TMEM63A: variants seen among roughly 807,000 people sequenced by gnomAD.
TMEM63A encodes mechanosensitive cation channel TMEM63A.
TMEM63A carries 76 observed loss-of-function variants against 100.6 expected under a neutral mutation model. The observed-to-expected ratio is 0.76, with a 90% CI of 0.63 to 0.91. The LOEUF (loss-of-function observed/expected upper bound fraction) is 0.91. TMEM63A is among the 40% of genes least tolerant of loss of function. The probability of loss-of-function intolerance (pLI) is 0.00; values close to 1 mark genes in which losing one functional copy is unlikely to be tolerated. For synonymous variants in TMEM63A, 401 were observed against 401.1 expected (o/e 1.00, Z 0.00); for missense variants, 876 against 1,008.8 (o/e 0.87, Z 1.78).
chr1:225,874,779 C>A (rs1670693524), intron 3 of TMEM63A, among the ~76,000 whole-genome samples: 1 of 152,234 alleles, frequency 6.6e-6, no homozygotes, highest in East Asian at 1.9e-4. Context: ...CATCCTTCTT[C>A]ACTTTACAGA....
chr1:225,861,275 T>C, intron 13 of TMEM63A: 9 of 260,390 alleles, frequency 3.5e-5, no homozygotes, highest in Admixed American at 5.4e-5. Context: ...CATAGGGCCA[T>C]CCCCCTCCAC....
intron 8 of TMEM63A, among the ~76,000 whole-genome samples, 185 bp downstream of exon 8, chr1:225,866,927 A>C (rs1576100254): frequency 6.6e-6 from 1 of 151,876 alleles, no homozygotes. Context: ...GTTTCTTAAA[A>C]CCCTGGCAAA....
chr1:225,849,823 G>A (rs1335287784), intron 21 of TMEM63A, 89 bp downstream of exon 21: 1 of 1,493,984 alleles, frequency 6.7e-7, no homozygotes, highest in Non-Finnish European at 9.1e-7. Flanking sequence ...CCATGCTGAT[G>A]CTGTGAAAGC....
At position 225,866,276 on chromosome 1, in the gene TMEM63A, C is replaced by T. The variant is rs887250373; in HGVS notation, c.675+298G>A. ...ATCAGAGGAGGACCCAGGCCTGGAA[C>T]CAAGCCACAGAAGCTCCCCTCCCCT... On this transcript the variant is annotated intron_variant, in intron 9 of 24. Coordinates refer to ENST00000366835, the MANE Select transcript of TMEM63A (RefSeq NM_014698.3). 10 of 514,072 alleles carry T rather than the reference C, an allele frequency of 1.9e-5. No homozygotes were observed. The Admixed American group carries it at 2.3e-4, about 12-fold the overall frequency. The allele number at this position is 514,072 out of a possible 1,614,324, so 31.8% of individuals were successfully genotyped here.
downstream of TMEM63A, chr1:225,844,535 C>A (rs747589065): frequency 1.9e-6 from 3 of 1,614,174 alleles, no homozygotes; most frequent in Non-Finnish European, 1.7e-6. Flanking sequence ...CAACGTCATG[C>A]TCTACTGGAC....
chr1:225,850,589 G>C (rs1669275782), intron 20 of TMEM63A, among the ~76,000 whole-genome samples: 1 of 152,154 alleles, frequency 6.6e-6, no homozygotes, highest in South Asian at 2.1e-4. Flanking sequence ...GTGTTTACTC[G>C]AGACCTTTGT....
intron 18 of TMEM63A, among the ~76,000 whole-genome samples, chr1:225,854,967 A>T (rs1669543856): frequency 6.6e-6 from 1 of 152,222 alleles, no homozygotes; most frequent in African/African-American, 2.4e-5. Flanking sequence ...TCGCTGATAG[A>T]TCATAAGATG....
chr1:225,845,602 A>C lies in TMEM63A; in HGVS notation c.*1337T>G. On this transcript the variant is annotated 3_prime_UTR_variant, in exon 25 of 25. Transcript: ENST00000366835. ...AGTGACATGAGCGTGCGCTGACCCC[A>C]CATGGGGCCCCCTGTGCAAGCAGAG... is the stretch of plus-strand genomic sequence containing the variant. 1 of 549,378 alleles carries C rather than the reference A, an allele frequency of 1.8e-6. No individual in the cohort carries two copies. The highest frequency in any genetic ancestry group is 3.3e-6 in the Non-Finnish European group (1 of 305,480). 34.0% of individuals were successfully genotyped at this position (549,378 alleles called of 1,614,324 possible).
At position 225,853,097 on chromosome 1, in the gene TMEM63A, T is replaced by A. The variant is rs1669434782; in HGVS notation, c.1798-328A>T. ...TTCTAGCAGGGGATCCTGGGCCAGC[T>A]TAGTTCATGCCTCTGTGAAATCGGG... On this transcript the variant is annotated intron_variant, in intron 19 of 24. Transcript: ENST00000366835. This position sits in a 1 kb window ranked among gnomAD's most constrained non-coding sequence, Gnocchi z 4.0. Among the ~76,000 whole-genome samples, 1 of 152,196 alleles carries A rather than the reference T, an allele frequency of 6.6e-6. No homozygotes were observed. The highest frequency in any genetic ancestry group is 2.4e-5 in the African/African-American group (1 of 41,452).
intron 4 of TMEM63A, among the ~76,000 whole-genome samples, chr1:225,872,633 C>A (rs1428783838): frequency 6.6e-6 from 1 of 151,760 alleles, no homozygotes; most frequent in East Asian, 1.9e-4. Flanking sequence ...CATAAAAACA[C>A]CCCATGCGCT....
At chr1:225,840,962 G>T (rs145606194), downstream of TMEM63A, 29 of 152,306 alleles carry the variant, frequency 1.9e-4, no homozygotes, top group East Asian at 5.4e-3. Context: ...GCTTAAAAAT[G>T]CAAAAAGTAC....
chr1:225,845,020 TTTTC>T, downstream of TMEM63A: 1 of 1,077,582 alleles, frequency 9.3e-7, no homozygotes, highest in Non-Finnish European at 1.4e-6. Flanking sequence ...GGATTTGTCC[TTTTC>T]TTTATGGCTC....
Position 225,862,854 on chromosome 1 carries a change from G to A in TMEM63A, c.747-3C>T, listed in dbSNP as rs1371056718. ...CCTCACACGTGGGATACGCGTCCCT[G>A]TGGCCAGGGAGAGAAGGAGGCAAAA... On this transcript the variant is annotated splice_polypyrimidine_tract_variant and splice_region_variant and intron_variant, in intron 10 of 24. Coordinates refer to ENST00000366835, the MANE Select transcript of TMEM63A (RefSeq NM_014698.3). This position sits in a 1 kb window ranked among gnomAD's most constrained non-coding sequence, Gnocchi z 5.1. The A allele has an allele frequency of 6.2e-7, 1 of 1,613,594 alleles. No individual in the cohort carries two copies. The highest frequency in any genetic ancestry group is 8.5e-7 in the Non-Finnish European group (1 of 1,179,926).
chr1:225,873,989 T>C (rs527507086), intron 4 of TMEM63A, among the ~76,000 whole-genome samples: 11 of 152,226 alleles, frequency 7.2e-5, no homozygotes, highest in Non-Finnish European at 1.3e-4. Flanking sequence ...TTTTTGTTTT[T>C]TGTTTTGTGA....
chr1:225,856,791 C>T (rs1352103674), intron 16 of TMEM63A, 53 bp from the exon 17 acceptor site: 1 of 1,590,726 alleles, frequency 6.3e-7, no homozygotes, highest in Non-Finnish European at 8.6e-7. Context: ...TCTATGTGCC[C>T]CCAGTGAGGC....
In TMEM63A at chr1:225,867,888, C is replaced by G; in HGVS notation, c.514G>C (p.Asp172His). ...AGACAAGGGTGAGGAGGGTCATTAC[C>G]CAGCAAGTCCCCTGAGAGGTTGACA... ...LPVNLSGDLL[D>H]KDPYSFGRTT... The change falls in exon 7 of 25, where the codon GAC becomes CAC. Residue 172 changes from aspartate to histidine, a missense_variant and splice_region_variant. Asp to His is a moderately conservative substitution (Grantham distance 81). Transcript: ENST00000366835. This position sits in a 1 kb window ranked among gnomAD's most constrained non-coding sequence, Gnocchi z 4.6. The G allele has an allele frequency of 6.2e-7, 1 of 1,614,058 alleles. No individual in the cohort carries two copies. The highest frequency in any genetic ancestry group is 2.2e-5 in the East Asian group (1 of 44,872).
In TMEM63A at chr1:225,845,683, A is replaced by G; in HGVS notation, c.*1256T>C. 1 of 430,462 alleles carries G rather than the reference A, an allele frequency of 2.3e-6. No individual in the cohort carries two copies. Among genetic ancestry groups the G allele is most frequent in the Non-Finnish European group, 4.3e-6 (1 of 230,434 alleles). 26.7% of individuals were successfully genotyped at this position (430,462 alleles called of 1,614,324 possible). A position where few individuals can be genotyped will look rare whatever the true frequency, so the allele number is the denominator to read the frequency against. ...CGGGAGGCCTGCTGGGGATGAGGCC[A>G]CTGGCCAGGGCTATGCTGCACCAGA... On this transcript the variant is annotated 3_prime_UTR_variant, in exon 25 of 25. Transcript: ENST00000366835.
intron 23 of TMEM63A, among the ~76,000 whole-genome samples, chr1:225,847,895 G>T (rs556018228): frequency 1.3e-5 from 2 of 152,296 alleles, no homozygotes; most frequent in African/African-American, 2.4e-5. Context: ...CCTGGCCACG[G>T]CTGTCAGGAA....
chr1:225,877,502 G>C lies in TMEM63A; in HGVS notation c.79C>G (p.Pro27Ala). The C allele has an allele frequency of 3.7e-6, 6 of 1,614,170 alleles. No homozygotes were observed. In the South Asian group the frequency reaches 5.5e-5, roughly 15 times the overall value. The change falls in exon 3 of 25, where the codon CCC becomes GCC. Residue 27 changes from proline to alanine, a missense_variant. Pro to Ala is a conservative substitution (Grantham distance 27, BLOSUM62 -1). Coordinates refer to ENST00000366835, the MANE Select transcript of TMEM63A (RefSeq NM_014698.3). ...IREQLGLGDRPNDSYCYNSAK... is the reference protein window; with the variant it reads ...IREQLGLGDRANDSYCYNSAK... ...GAGTTGTAGCAATAGGAGTCGTTGGGCCGGTCCCCGAGTCCCAGCTGCTCC... is the reference window on the plus strand; with the variant it reads ...GAGTTGTAGCAATAGGAGTCGTTGGCCCGGTCCCCGAGTCCCAGCTGCTCC...
Sources: gnomAD v4.1 joint callset for allele counts (sites outside exome capture counted in the v4.1 genomes callset) on GRCh38, gnomAD v4.1.1 for gene constraint, Gnocchi (gnomAD v3.1) non-coding constraint, MANE v1.5 for transcripts, NCBI Gene and HGNC (gene_info 2026-07-23, HGNC 2026-07-21) for gene names.